OR6N1: variants seen among roughly 807,000 people sequenced by gnomAD.
The protein encoded by OR6N1 is olfactory receptor 6N1.
For missense variants in OR6N1, 394 were observed against 371.7 expected (o/e 1.06, Z -0.49); for synonymous variants, 170 against 150.7 (o/e 1.13, Z -0.94).
At chr1:158,808,966 A>G in the OR6N1 span, 45 of 153,042 alleles carry the variant, frequency 2.9e-4, no homozygotes, top group African/African-American at 1.1e-3. Context: ...GGCAGATGAT[A>G]AGGTAGCTAT....
At chr1:158,819,366 T>C in the OR6N1 span, among the ~76,000 whole-genome samples, 1 of 152,196 alleles carries the variant, frequency 6.6e-6, no homozygotes, top group Non-Finnish European at 1.5e-5. Context: ...TGTGGAGATG[T>C]AGATTGGAAG....
chr1:158,820,787 A>T, the OR6N1 span, among the ~76,000 whole-genome samples: 1,154 of 152,320 alleles, frequency 7.6e-3, 17 homozygotes, highest in African/African-American at 0.026. Context: ...CTCTTTGAGG[A>T]TATAAACTTC....
At chr1:158,769,160 TTTA>T (rs368084077) in intron 1 of OR6N1, among the ~76,000 whole-genome samples, 5 of 151,642 alleles carry the variant, frequency 3.3e-5, no homozygotes, top group Non-Finnish European at 4.4e-5. Flanking sequence ...GAACACATAA[TTTA>T]TTATTATTAT....
the OR6N1 span, chr1:158,777,312 T>A: frequency 6.2e-7 from 1 of 1,614,000 alleles, no homozygotes; most frequent in Non-Finnish European, 8.5e-7. Context: ...ATTCAGACGC[T>A]CCCAAGGAGT....
the OR6N1 span, among the ~76,000 whole-genome samples, chr1:158,785,552 C>T: frequency 6.6e-6 from 1 of 151,998 alleles, no homozygotes; most frequent in Non-Finnish European, 1.5e-5. Flanking sequence ...TTATTTTTCT[C>T]CCCAAAGTGT....
At chr1:158,796,625 T>G in the OR6N1 span, among the ~76,000 whole-genome samples, 1 of 152,176 alleles carries the variant, frequency 6.6e-6, no homozygotes, top group Non-Finnish European at 1.5e-5. Context: ...TCTAAATTGC[T>G]TTTTTGTATT....
chr1:158,773,356 C>G (rs867608494), upstream of OR6N1, among the ~76,000 whole-genome samples: 4 of 152,150 alleles, frequency 2.6e-5, no homozygotes, highest in East Asian at 5.8e-4. Context: ...TTCTAAATCC[C>G]TATAAGGCAA....
At position 158,766,366 on chromosome 1, in the gene OR6N1, G is replaced by C. The variant is rs1486094125; in HGVS notation, c.317C>G (p.Ser106Cys). The C allele has an allele frequency of 1.2e-6, 2 of 1,614,140 alleles. No homozygotes were observed. The change falls in exon 2 of 2, where the codon TCC becomes TGC. Residue 106 changes from serine to cysteine, a missense_variant. Ser to Cys is a moderately radical substitution (Grantham distance 112). Transcript: ENST00000641846. ...GCLLQIYFFH[S>C]LGATECYLLT... ...GAGATAGCACTCAGTCGCTCCAAGGGAGTGAAAGAAATAGATCTGCAGGAG... is the reference window on the plus strand; with the variant it reads ...GAGATAGCACTCAGTCGCTCCAAGGCAGTGAAAGAAATAGATCTGCAGGAG...
At chr1:158,776,977 C>T (rs1430276550), upstream of OR6N1, 1 of 1,614,064 alleles carries the variant, frequency 6.2e-7, no homozygotes, top group African/African-American at 1.3e-5. Context: ...CCCAATGATC[C>T]TTGCATAAGA....
chr1:158,816,824 T>G, the OR6N1 span, among the ~76,000 whole-genome samples: 1 of 152,384 alleles, frequency 6.6e-6, no homozygotes, highest in South Asian at 2.1e-4. Flanking sequence ...GTTCAGATCC[T>G]ACTTTCTTTA....
At chr1:158,795,802 G>A in the OR6N1 span, among the ~76,000 whole-genome samples, 2 of 152,134 alleles carry the variant, frequency 1.3e-5, no homozygotes, top group Non-Finnish European at 2.9e-5. Context: ...TTATGCTCTG[G>A]AGACTCAGTT....
At chr1:158,798,994 T>C in the OR6N1 span, among the ~76,000 whole-genome samples, 2 of 152,158 alleles carry the variant, frequency 1.3e-5, no homozygotes, top group East Asian at 3.9e-4. Flanking sequence ...GTCCCACCAA[T>C]TGGAGTAGAC....
the OR6N1 span, among the ~76,000 whole-genome samples, chr1:158,821,472 C>T: frequency 3.9e-4 from 60 of 152,274 alleles, no homozygotes; most frequent in Admixed American, 1.8e-3. Context: ...CTATTAACTC[C>T]TTTTCTTCTC....
At chr1:158,782,900 G>A in the OR6N1 span, among the ~76,000 whole-genome samples, 1 of 151,938 alleles carries the variant, frequency 6.6e-6, no homozygotes, top group African/African-American at 2.4e-5. Flanking sequence ...CTTGTGTTTT[G>A]CTCAGATAAA....
the OR6N1 span, among the ~76,000 whole-genome samples, chr1:158,826,979 T>A: frequency 6.6e-6 from 1 of 152,148 alleles, no homozygotes; most frequent in Non-Finnish European, 1.5e-5. Flanking sequence ...CTTTATCCAA[T>A]GAGCAATGCA....
At chr1:158,819,620 T>C in the OR6N1 span, among the ~76,000 whole-genome samples, 1 of 150,908 alleles carries the variant, frequency 6.6e-6, no homozygotes, top group Non-Finnish European at 1.5e-5. Context: ...ACCACGGGAG[T>C]TCCAAAAAAA....
chr1:158,766,746 G>C (rs142633172), intron 1 of OR6N1, 46 bp from the exon 2 acceptor site: 1 of 1,270,488 alleles, frequency 7.9e-7, no homozygotes, highest in Non-Finnish European at 1.1e-6. Flanking sequence ...TGAACTATAG[G>C]GTTCTAACAA....
chr1:158,802,609 A>G, the OR6N1 span, among the ~76,000 whole-genome samples: 1 of 151,784 alleles, frequency 6.6e-6, no homozygotes, highest in East Asian at 1.9e-4. Flanking sequence ...TCACCACATC[A>G]CCATATTATC....
chr1:158,773,380 A>T (rs1253557631), upstream of OR6N1, among the ~76,000 whole-genome samples: 1 of 152,178 alleles, frequency 6.6e-6, no homozygotes, highest in Non-Finnish European at 1.5e-5. Context: ...AGAGTTAAAT[A>T]CCCACTACCT....
Sources: gnomAD v4.1 joint callset for allele counts (sites outside exome capture counted in the v4.1 genomes callset) on GRCh38, gnomAD v4.1.1 for gene constraint, MANE v1.5 for transcripts, NCBI Gene and HGNC (gene_info 2026-07-23, HGNC 2026-07-21) for gene names.